RNF8: variants seen among roughly 807,000 people sequenced by gnomAD.
The protein encoded by RNF8 is ring finger protein 8, also known as E3 ubiquitin-protein ligase RNF8.
RNF8 carries 8 observed loss-of-function variants against 59.3 expected under a neutral mutation model. The observed-to-expected ratio is 0.13, with a 90% CI of 0.08 to 0.24. The LOEUF (loss-of-function observed/expected upper bound fraction) is 0.24, where lower values mean the gene tolerates loss of function less well. RNF8 is among the 10% of genes least tolerant of loss of function. RNF8 has a pLI of 1.00. For missense variants in RNF8, 406 were observed against 572.6 expected (o/e 0.71, Z 2.97); for synonymous variants, 162 against 200.0 (o/e 0.81, Z 1.60).
intron 7 of RNF8, among the ~76,000 whole-genome samples, chr6:37,384,016 G>A (rs1011066949): frequency 2.0e-5 from 3 of 151,596 alleles, no homozygotes; most frequent in African/African-American, 7.3e-5. Context: ...GTTTCTTTGG[G>A]TTGTACTCAG....
chr6:37,361,952 TA>T (rs1234910317), intron 2 of RNF8, among the ~76,000 whole-genome samples: 2 of 152,216 alleles, frequency 1.3e-5, no homozygotes, highest in African/African-American at 4.8e-5. Context: ...GCCTTCTCTA[TA>T]ATGAGCCAGG....
intron 7 of RNF8, among the ~76,000 whole-genome samples, chr6:37,384,046 G>A (rs2074160211): frequency 6.6e-6 from 1 of 151,564 alleles, no homozygotes; most frequent in Admixed American, 6.6e-5. Flanking sequence ...AAGCAATGTA[G>A]AAATAAAATC....
intron 1 of RNF8, among the ~76,000 whole-genome samples, chr6:37,355,434 A>C (rs963609528): frequency 2.6e-5 from 4 of 152,170 alleles, no homozygotes; most frequent in African/African-American, 9.7e-5. Context: ...TTTGGTGTAC[A>C]ATGAGGACAA....
intron 7 of RNF8, among the ~76,000 whole-genome samples, chr6:37,384,131 A>ATTTTTTTTT (rs70977654): frequency 1.6e-5 from 2 of 124,058 alleles, no homozygotes; most frequent in African/African-American, 6.1e-5. Context: ...CCTTGCTACT[A>ATTTTTTTTT]TTTTTTTTTT....
intron 2 of RNF8, among the ~76,000 whole-genome samples, chr6:37,365,015 T>G (rs1483677088): frequency 3.9e-5 from 6 of 152,222 alleles, no homozygotes; most frequent in South Asian, 4.1e-4. Flanking sequence ...CTGATCCACC[T>G]GCCTCGGCTT....
intron 3 of RNF8, 134 bp from the exon 4 acceptor site, chr6:37,371,378 A>AT (rs894255290): frequency 3.1e-6 from 2 of 648,978 alleles, no homozygotes; most frequent in East Asian, 2.8e-5. Context: ...AAAACAGGAG[A>AT]TTTTCCACCT....
At chr6:37,361,712 G>A (rs1258949691) in intron 2 of RNF8, among the ~76,000 whole-genome samples, 4 of 152,134 alleles carry the variant, frequency 2.6e-5, no homozygotes, top group East Asian at 1.9e-4. Context: ...CTCATATTGC[G>A]TGCATAAAAC....
At position 37,391,532 on chromosome 6, in the gene RNF8, A is replaced by G. The variant is rs1770725614; in HGVS notation, c.*774A>G. The stretch of plus-strand genomic sequence containing the variant: ...CTGGCATTTGAATGTTTCCAAATCT[A>G]TTTTATCTGACGTCATGAACACACA... On this transcript the variant is annotated 3_prime_UTR_variant, in exon 8 of 8. Coordinates refer to ENST00000373479, the MANE Select transcript of RNF8 (RefSeq NM_003958.4). 6.6e-6 allele frequency: 1 copy of G among 152,152 alleles called. No homozygotes were observed. The highest frequency in any genetic ancestry group is 1.5e-5 in the Non-Finnish European group (1 of 68,028). 9.4% of individuals were successfully genotyped at this position (152,152 alleles called of 1,614,324 possible).
Position 37,371,539 on chromosome 6 carries a change from G to A in RNF8, c.1003G>A (p.Asp335Asn). 6 of 1,614,006 alleles carry A rather than the reference G, an allele frequency of 3.7e-6. No homozygotes were observed. Among genetic ancestry groups the A allele is most frequent in the Non-Finnish European group, 5.1e-6 (6 of 1,179,960 alleles). The change falls in exon 4 of 8, where the codon GAC becomes AAC. Residue 335 changes from aspartate to asparagine, a missense_variant. By Grantham distance (23) the Asp-to-Asn change is conservative (BLOSUM62 1). Transcript: ENST00000373479. The part of the protein sequence containing the change: ...QGLEIAQGEK[D>N]LKQQLAQALQ... ...TTTGGAGATAGCCCAAGGAGAAAAG[G>A]ACCTGAAGCAACAGCTGGCCCAGGC... is the stretch of plus-strand genomic sequence containing the variant.
chr6:37,369,260 G>A, intron 3 of RNF8, 42 bp downstream of exon 3: 1 of 1,533,876 alleles, frequency 6.5e-7, no homozygotes, highest in Non-Finnish European at 8.7e-7. Flanking sequence ...CTTCAGGGGT[G>A]GGGCAGGCAC....
At chr6:37,371,716 T>C (rs1769813247) in intron 4 of RNF8, 142 bp downstream of exon 4, 2 of 597,290 alleles carry the variant, frequency 3.3e-6, no homozygotes, top group African/African-American at 3.8e-5. Context: ...TGGCAGCTGC[T>C]CACACCATCA....
rs779591390 is a variant in RNF8 at position 37,368,848 on chromosome 6, A to G, written c.605A>G (p.Asn202Ser). 14 of 1,613,952 alleles carry G rather than the reference A, an allele frequency of 8.7e-6. No homozygotes were observed. The highest frequency in any genetic ancestry group is 3.3e-5 in the Admixed American group (2 of 59,986). ...KGEVASTPSD[N>S]LDPKLTALEP... ...GAAGTGGCCAGTACACCCTCTGACA[A>G]TTTGGATCCTAAGTTGACTGCCCTT... Residue 202 changes from asparagine (N) to serine (S), a missense_variant, in exon 3 of 8, where the codon AAT becomes AGT. Transcript: ENST00000373479.
chr6:37,361,849 G>C (rs1284032857), intron 2 of RNF8, among the ~76,000 whole-genome samples: 1 of 152,176 alleles, frequency 6.6e-6, no homozygotes, highest in Non-Finnish European at 1.5e-5. Flanking sequence ...GGCACCATGA[G>C]CAGGATAAAA....
chr6:37,373,562 A>G (rs888448148), intron 4 of RNF8, among the ~76,000 whole-genome samples: 5 of 151,998 alleles, frequency 3.3e-5, no homozygotes, highest in Non-Finnish European at 5.9e-5. Context: ...GCGCGCCACA[A>G]TGCCCGACAA....
intron 7 of RNF8, 42 bp from the exon 8 acceptor site, chr6:37,390,700 A>G: frequency 6.7e-7 from 1 of 1,494,428 alleles, no homozygotes; most frequent in Non-Finnish European, 9.3e-7. Flanking sequence ...GAAGGGAAAT[A>G]CAGGCTCCTC....
Position 37,360,344 on chromosome 6 carries a change from A to G in RNF8, c.112-102A>G, listed in dbSNP as rs1769266257. ...TGGTTCCACAGGTGTCTGGTTTCTTAAGTCAGGACCTGCATATGCTGCTGG... is the reference window on the plus strand; with the variant it reads ...TGGTTCCACAGGTGTCTGGTTTCTTGAGTCAGGACCTGCATATGCTGCTGG... On this transcript the variant is annotated intron_variant, in intron 1 of 7. Coordinates refer to ENST00000373479, the MANE Select transcript of RNF8 (RefSeq NM_003958.4). This position sits in a 1 kb window ranked among gnomAD's most constrained non-coding sequence, Gnocchi z 4.2. The G allele has an allele frequency of 7.1e-7, 1 of 1,408,114 alleles. No individual in the cohort carries two copies. Among genetic ancestry groups the G allele is most frequent in the African/African-American group, 1.4e-5 (1 of 69,468 alleles). The allele number at this position is 1,408,114 out of a possible 1,614,324, so 87.2% of individuals were successfully genotyped here.
chr6:37,378,869 T>A (rs1167897978), intron 6 of RNF8, among the ~76,000 whole-genome samples: 2 of 152,138 alleles, frequency 1.3e-5, no homozygotes, highest in Non-Finnish European at 2.9e-5. Context: ...TTGAAATAAA[T>A]GATGAGTTAG....
rs1458623976 is a variant in RNF8, at chr6:37,391,642, CTTTATT to C, written c.*889_*894del. 6.6e-6 allele frequency: 1 copy of C among 151,946 alleles called. No homozygotes were observed. Among genetic ancestry groups the C allele is most frequent in the Non-Finnish European group, 1.5e-5 (1 of 67,972 alleles). The allele number at this position is 151,946 out of a possible 1,614,324, so 9.4% of individuals were successfully genotyped here. A position where few individuals can be genotyped will look rare whatever the true frequency, so the allele number is the denominator to read the frequency against. On this transcript the variant is annotated 3_prime_UTR_variant, in exon 8 of 8. Transcript: ENST00000373479. Reference sequence around the variant, plus strand: ...GTTTTCTCTCTTTTCTCCACCTCTCCTTTATTTTTAATTTTAATTTTAATTTTTGAA... The same window carrying C: ...GTTTTCTCTCTTTTCTCCACCTCTCCTTTAATTTTAATTTTAATTTTTGAA...
At chr6:37,362,263 T>C (rs111294277) in intron 2 of RNF8, among the ~76,000 whole-genome samples, 1,998 of 152,206 alleles carry the variant, frequency 0.013, 8 homozygotes, top group Non-Finnish European at 0.021. Flanking sequence ...TTTTCATAGG[T>C]TGGGAAGCCA....
Sources: gnomAD v4.1 joint callset for allele counts (sites outside exome capture counted in the v4.1 genomes callset) on GRCh38, gnomAD v4.1.1 for gene constraint, Gnocchi (gnomAD v3.1) non-coding constraint, MANE v1.5 for transcripts, NCBI Gene and HGNC (gene_info 2026-07-23, HGNC 2026-07-21) for gene names.